CLCA1: variants seen among roughly 807,000 people sequenced by gnomAD.
CLCA1 encodes chloride channel accessory 1, also known as calcium-activated chloride channel regulator 1.
A neutral mutation model predicts 85.6 loss-of-function variants in CLCA1; 59 were observed. The ratio of observed to expected loss-of-function variants is 0.69; its 90% CI spans 0.56 to 0.86. The LOEUF is 0.86. CLCA1 is among the 40% of genes least tolerant of loss of function. The probability of loss-of-function intolerance (pLI) is 0.00; values close to 1 mark genes in which losing one functional copy is unlikely to be tolerated. For missense variants in CLCA1, 1,022 were observed against 1,101.4 expected (o/e 0.93, Z 1.02); for synonymous variants, 396 against 398.3 (o/e 0.99, Z 0.07).
At chr1:86,495,415 G>T in intron 11 of CLCA1, 90 bp from the exon 12 acceptor site, 1 of 1,090,312 alleles carries the variant, frequency 9.2e-7, no homozygotes, top group East Asian at 2.5e-5. Flanking sequence ...ATTTCTTGTT[G>T]CTTTGAAAAT....
Position 86,491,333 on chromosome 1 carries a change from T to C in CLCA1, c.1426T>C (p.Ser476Pro), listed in dbSNP as rs1280746414. 1 of 1,613,666 alleles carries C rather than the reference T, an allele frequency of 6.2e-7. No homozygotes were observed. The highest frequency in any genetic ancestry group is 1.7e-5 in the Admixed American group (1 of 60,012). ...CCTCATTGATGCTTTTGGGGCCCTT[T>C]CATCAGGAAATGGAGCTGTCTCTCA... is the stretch of plus-strand genomic sequence containing the variant. ...NGLIDAFGAL[S>P]SGNGAVSQRS... Residue 476 changes from serine (S) to proline (P), a missense_variant, in exon 9 of 14, where the codon TCA becomes CCA. Transcript: ENST00000394711.
At chr1:86,493,624 C>T (rs1648197791) in intron 10 of CLCA1, 25 bp downstream of exon 10, 1 of 1,518,514 alleles carries the variant, frequency 6.6e-7, no homozygotes, top group Admixed American at 1.7e-5. Context: ...TTTTTTCTTT[C>T]TCATAATTCA....
rs375875439 is a variant in CLCA1 at position 86,485,330 on chromosome 1, T to C, written c.736-13T>C. The C allele has an allele frequency of 1.0e-4, 161 of 1,585,876 alleles. No individual in the cohort carries two copies. The highest frequency in any genetic ancestry group is 1.3e-4 in the Non-Finnish European group (147 of 1,155,288). ...GTTTACCATTATCTATATAATTTCA[T>C]TGACAATTTCAGATAGTTGAATTCT... On this transcript the variant is annotated splice_polypyrimidine_tract_variant and intron_variant, in intron 5 of 13. Coordinates refer to ENST00000394711, the MANE Select transcript of CLCA1 (RefSeq NM_001285.4).
In CLCA1 at chr1:86,469,063, G is replaced by GTTACGTATGTTTTCTTTTTCTTCC; in HGVS notation, c.92_93insTTACGTATGTTTTCTTTTTCTTCC (p.Tyr32_Glu33insValCysPheLeuPheLeuProTyr). ...TCACTCATTCAGCTGAACAACAATG[G>GTTACGTATGTTTTCTTTTTCTTCC]CTATGAAGGCATTGTCGTTGCAATC... On this transcript the variant is annotated inframe_insertion, in exon 1 of 14. Transcript: ENST00000394711. The GTTACGTATGTTTTCTTTTTCTTCC allele has an allele frequency of 6.2e-7, 1 of 1,611,984 alleles. No individual in the cohort carries two copies. Among genetic ancestry groups the GTTACGTATGTTTTCTTTTTCTTCC allele is most frequent in the South Asian group, 1.1e-5 (1 of 90,668 alleles).
Position 86,495,522 on chromosome 1 carries a change from G to A in CLCA1, c.1960G>A (p.Asp654Asn). ...TTATCAAGGTGCTGATGCTACTAAGGATGACGGTGTCTACTCAAGGTATTT... is the reference window on the plus strand; with the variant it reads ...TTATCAAGGTGCTGATGCTACTAAGAATGACGGTGTCTACTCAAGGTATTT... Reference protein sequence around the residue: ...DNGAGADATKDDGVYSRYFTT... With the variant: ...DNGAGADATKNDGVYSRYFTT... Residue 654 changes from aspartate to asparagine, a missense_variant, in exon 12 of 14, where the codon GAT becomes AAT. Transcript: ENST00000394711. 6.2e-7 allele frequency: 1 copy of A among 1,613,498 alleles called. No homozygotes were observed. Among genetic ancestry groups the A allele is most frequent in the Non-Finnish European group, 8.5e-7 (1 of 1,179,536 alleles).
chr1:86,469,664 C>A (rs955432530), intron 1 of CLCA1, among the ~76,000 whole-genome samples: 11 of 152,192 alleles, frequency 7.2e-5, no homozygotes, highest in Admixed American at 6.5e-5. Context: ...TCAGAGATTT[C>A]TTGCTACCTC....
chr1:86,495,581 A>T lies in CLCA1; in HGVS notation c.2019A>T (p.Val673=). The T allele has an allele frequency of 6.2e-7, 1 of 1,614,170 alleles. No individual in the cohort carries two copies. Among genetic ancestry groups the T allele is most frequent in the Non-Finnish European group, 8.5e-7 (1 of 1,179,994 alleles). ...ATGACACGAATGGTAGATACAGTGT[A>T]AAAGTGCGGGCTCTGGGAGGAGTTA... ...TTYDTNGRYS[V]KVRALGGVNA... Residue 673 remains valine, a synonymous_variant, in exon 12 of 14, where the codon GTA becomes GTT. Transcript: ENST00000394711.
intron 11 of CLCA1, among the ~76,000 whole-genome samples, 168 bp from the exon 12 acceptor site, chr1:86,495,337 A>G (rs1648248788): frequency 6.6e-6 from 1 of 152,242 alleles, no homozygotes; most frequent in Non-Finnish European, 1.5e-5. Flanking sequence ...AACCACACAC[A>G]GTGATAAAAG....
chr1:86,475,416 A>C (rs767030964), intron 3 of CLCA1, among the ~76,000 whole-genome samples: 1 of 152,196 alleles, frequency 6.6e-6, no homozygotes, highest in Non-Finnish European at 1.5e-5. Flanking sequence ...TTTAACAAAT[A>C]TCACTGAATG....
intron 5 of CLCA1, among the ~76,000 whole-genome samples, chr1:86,484,344 G>A (rs1647904047): frequency 6.6e-6 from 1 of 152,230 alleles, no homozygotes; most frequent in Admixed American, 6.5e-5. Flanking sequence ...CATGAAGGTA[G>A]AGTTTACAAC....
At position 86,476,459 on chromosome 1, in the gene CLCA1, G is replaced by T. The variant is rs768697165; in HGVS notation, c.463G>T (p.Val155Phe). 10 of 1,584,658 alleles carry T rather than the reference G, an allele frequency of 6.3e-6. No individual in the cohort carries two copies. Among genetic ancestry groups the T allele is most frequent in the Non-Finnish European group, 8.7e-6 (10 of 1,154,136 alleles). ...ATACTTTCTCACAGGTAGGGCATTT[G>T]TCCATGAGTGGGCTCATCTACGATG... ...AEYGPQGRAF[V>F]HEWAHLRWGV... Residue 155 changes from valine to phenylalanine, a missense_variant, in exon 4 of 14, where the codon GTC becomes TTC. Transcript: ENST00000394711.
At chr1:86,477,029 C>G (rs979043155) in intron 4 of CLCA1, among the ~76,000 whole-genome samples, 1 of 152,224 alleles carries the variant, frequency 6.6e-6, no homozygotes, top group Admixed American at 6.5e-5. Flanking sequence ...CCCACCTCAG[C>G]CCCCTGAGTA....
At chr1:86,476,165 C>T (rs1211595074) in intron 3 of CLCA1, among the ~76,000 whole-genome samples, 2 of 152,140 alleles carry the variant, frequency 1.3e-5, no homozygotes, top group Admixed American at 6.5e-5. Context: ...TCTAATCACA[C>T]ATGCCCTCCA....
chr1:86,494,887 A>G (rs1319995792), intron 11 of CLCA1, among the ~76,000 whole-genome samples: 2 of 152,196 alleles, frequency 1.3e-5, no homozygotes, highest in Non-Finnish European at 2.9e-5. Flanking sequence ...TCACATTTAG[A>G]AAGCAGCAGA....
chr1:86,470,786 G>A (rs1052938287), intron 1 of CLCA1, among the ~76,000 whole-genome samples: 5 of 152,116 alleles, frequency 3.3e-5, no homozygotes, highest in Admixed American at 3.3e-4. Context: ...CTCGTTGAGG[G>A]CTTGGCCACC....
chr1:86,472,811 A>T (rs1647541274), intron 1 of CLCA1, among the ~76,000 whole-genome samples: 1 of 152,204 alleles, frequency 6.6e-6, no homozygotes, highest in Admixed American at 6.5e-5. Flanking sequence ...TAATACCACA[A>T]CATTTAGTAT....
intron 10 of CLCA1, 86 bp downstream of exon 10, chr1:86,493,685 G>A (rs149449869): frequency 1.9e-6 from 2 of 1,068,244 alleles, no homozygotes; most frequent in Non-Finnish European, 2.7e-6. Context: ...TTAAATGTTG[G>A]TGGTTGCTAA....
chr1:86,485,304 A>G, intron 5 of CLCA1, 39 bp from the exon 6 acceptor site: 1 of 1,459,086 alleles, frequency 6.9e-7, no homozygotes, highest in Admixed American at 1.7e-5. Flanking sequence ...TCTACCACAT[A>G]GTTTACCATT....
At chr1:86,486,459 A>G (rs932014487) in intron 6 of CLCA1, 67 bp from the exon 7 acceptor site, 4 of 1,443,980 alleles carry the variant, frequency 2.8e-6, no homozygotes, top group African/African-American at 2.8e-5. Context: ...CAAATTCCCT[A>G]TGGCCTTTTC....
Sources: gnomAD v4.1 joint callset for allele counts (sites outside exome capture counted in the v4.1 genomes callset) on GRCh38, gnomAD v4.1.1 for gene constraint, MANE v1.5 for transcripts, NCBI Gene and HGNC (gene_info 2026-07-23, HGNC 2026-07-21) for gene names.